DRG2: variants seen among roughly 807,000 people sequenced by gnomAD.
DRG2 encodes the protein developmentally regulated GTP binding protein 2, also known as developmentally-regulated GTP-binding protein 2.
In DRG2, 36 loss-of-function variants were observed where a neutral mutation model predicts 53.4. The observed-to-expected ratio is 0.67, with a 90% confidence interval of 0.52 to 0.89. The LOEUF (loss-of-function observed/expected upper bound fraction) is 0.89. Ranked by LOEUF, DRG2 falls within the 40% of genes least tolerant of loss-of-function variation. DRG2 has a pLI of 0.00. For synonymous variants in DRG2, 167 were observed against 192.1 expected (o/e 0.87, Z 1.08); for missense variants, 342 against 481.2 (o/e 0.71, Z 2.71).
intron 1 of DRG2, among the ~76,000 whole-genome samples, chr17:18,088,346 ACAGAGCAAGCATCTGACC>A (rs1350083551): frequency 2.6e-5 from 4 of 152,222 alleles, no homozygotes; most frequent in African/African-American, 9.6e-5. Flanking sequence ...GTCCCAGCTC[ACAGAGCAAGCATCTGACC>A]CAGAGAGAGG....
At chr17:18,088,684 T>C (rs149292647) in intron 1 of DRG2, among the ~76,000 whole-genome samples, 1 of 152,330 alleles carries the variant, frequency 6.6e-6, no homozygotes, top group African/African-American at 2.4e-5. Context: ...TTAGATGGCC[T>C]TTACAAAGCA....
At position 18,100,350 on chromosome 17, in the gene DRG2, G is replaced by A; in HGVS notation, c.468-13G>A. Reference sequence around the variant, plus strand: ...GGACAGCCTGTGAGGGGCTTAAGGGGTACTCTTCCTAGGTCTCTGCTGGAG... The same window carrying A: ...GGACAGCCTGTGAGGGGCTTAAGGGATACTCTTCCTAGGTCTCTGCTGGAG... On this transcript the variant is annotated splice_polypyrimidine_tract_variant and intron_variant, in intron 5 of 12. Coordinates refer to ENST00000225729, the MANE Select transcript of DRG2 (RefSeq NM_001388.5). The surrounding 1 kb of genome is among the most constrained non-coding windows in gnomAD (Gnocchi z 4.1). The A allele has an allele frequency of 6.2e-7, 1 of 1,614,090 alleles. No homozygotes were observed. The highest frequency in any genetic ancestry group is 8.5e-7 in the Non-Finnish European group (1 of 1,179,978).
At position 18,101,957 on chromosome 17, in the gene DRG2, G is replaced by A; in HGVS notation, c.766G>A (p.Val256Met). The change falls in exon 9 of 13, where the codon GTG becomes ATG. Residue 256 changes from valine to methionine, a missense_variant. Val to Met is a conservative substitution (Grantham distance 21). Coordinates refer to ENST00000225729, the MANE Select transcript of DRG2 (RefSeq NM_001388.5). ...AATCGACCAGATCTCCATGGAAGAG[G>A]TGGACCGCCTGGCCCGAAAACCCAA... is the stretch of plus-strand genomic sequence containing the variant. ...NKIDQISMEEVDRLARKPNSV... is the reference protein window; with the variant it reads ...NKIDQISMEEMDRLARKPNSV... 1.2e-6 allele frequency: 2 copies of A among 1,612,638 alleles called. No homozygotes were observed. The highest frequency in any genetic ancestry group is 1.1e-5 in the South Asian group (1 of 90,708).
At chr17:18,105,093 C>A (rs558302981) in intron 11 of DRG2, among the ~76,000 whole-genome samples, 1 of 152,248 alleles carries the variant, frequency 6.6e-6, no homozygotes, top group South Asian at 2.1e-4. Flanking sequence ...CAACCTGAGC[C>A]GGCTTATAGG....
intron 11 of DRG2, 110 bp from the exon 12 acceptor site, chr17:18,106,323 C>G: frequency 2.4e-6 from 3 of 1,246,576 alleles, no homozygotes; most frequent in Non-Finnish European, 3.5e-6. Context: ...GCACCTGCCG[C>G]GGGAACTCCT....
rs2045504211 is a variant in DRG2, at chr17:18,100,152, A to C, written c.468-211A>C. The stretch of plus-strand genomic sequence containing the variant: ...CCACTTGCCTGTGCATGCCGACCGT[A>C]AACCGGGCCAGTCCCCTCTGGGACT... On this transcript the variant is annotated intron_variant, in intron 5 of 12. Coordinates refer to ENST00000225729, the MANE Select transcript of DRG2 (RefSeq NM_001388.5). This position sits in a 1 kb window ranked among gnomAD's most constrained non-coding sequence, Gnocchi z 4.1. 1 of 615,428 alleles carries C rather than the reference A, an allele frequency of 1.6e-6. No individual in the cohort carries two copies. The highest frequency in any genetic ancestry group is 2.9e-6 in the Non-Finnish European group (1 of 349,644). 38.1% of individuals were successfully genotyped at this position (615,428 alleles called of 1,614,324 possible). A position where few individuals can be genotyped will look rare whatever the true frequency, so the allele number is the denominator to read the frequency against.
chr17:18,102,637 AAAAAG>A (rs1567605369), intron 9 of DRG2, among the ~76,000 whole-genome samples: 3 of 151,728 alleles, frequency 2.0e-5, no homozygotes, highest in African/African-American at 7.3e-5. Context: ...AAAAAAAAAA[AAAAAG>A]AGGCTTCTTA....
intron 1 of DRG2, among the ~76,000 whole-genome samples, chr17:18,089,672 AGAG>A (rs1050815789): frequency 6.6e-6 from 1 of 152,208 alleles, no homozygotes; most frequent in African/African-American, 2.4e-5. Context: ...GTGGAGTGAT[AGAG>A]AAGACCACCA....
At chr17:18,093,593 C>T (rs1006179646) in intron 1 of DRG2, among the ~76,000 whole-genome samples, 12 of 152,196 alleles carry the variant, frequency 7.9e-5, no homozygotes, top group African/African-American at 2.9e-4. Flanking sequence ...GCTGGGATTA[C>T]AGGCGTCAGC....
chr17:18,106,357 T>G (rs1310804525), intron 11 of DRG2, 76 bp from the exon 12 acceptor site: 7 of 1,557,962 alleles, frequency 4.5e-6, no homozygotes, highest in Non-Finnish European at 6.2e-6. Flanking sequence ...TGTCCTGAGC[T>G]TTGGGTGTGC....
At chr17:18,101,759 A>G (rs721669) in intron 8 of DRG2, among the ~76,000 whole-genome samples, 162 bp from the exon 9 acceptor site, 58,290 of 152,084 alleles carry the variant, frequency 0.38, 11,866 homozygotes, top group South Asian at 0.7. Flanking sequence ...GCTTGAAACC[A>G]GGGTTCCAGC....
intron 2 of DRG2, among the ~76,000 whole-genome samples, chr17:18,094,776 A>T (rs2045398228): frequency 2.0e-5 from 3 of 151,858 alleles, no homozygotes; most frequent in African/African-American, 7.3e-5. Context: ...GGAGTTCAAG[A>T]CCAGCCTGAC....
Position 18,099,823 on chromosome 17 carries a change from A to G in DRG2, c.467+100A>G. ...GCCTGTGGGTGTTTGGCTCTCTCAC[A>G]CGTGAGAGTAGTGGTAGGACTTGTC... On this transcript the variant is annotated intron_variant, in intron 5 of 12. Transcript: ENST00000225729. This position sits in a 1 kb window ranked among gnomAD's most constrained non-coding sequence, Gnocchi z 4.4. 12 of 1,175,316 alleles carry G rather than the reference A, an allele frequency of 1.0e-5. No homozygotes were observed. The highest frequency in any genetic ancestry group is 1.5e-5 in the African/African-American group (1 of 66,180). 72.8% of individuals were successfully genotyped at this position (1,175,316 alleles called of 1,614,324 possible). A position where few individuals can be genotyped will look rare whatever the true frequency, so the allele number is the denominator to read the frequency against.
At chr17:18,107,018 G>A in intron 12 of DRG2, 136 bp from the exon 13 acceptor site, 1 of 718,324 alleles carries the variant, frequency 1.4e-6, no homozygotes, top group South Asian at 1.7e-5. Flanking sequence ...TCAGACAACT[G>A]CGGACATCCT....
intron 11 of DRG2, among the ~76,000 whole-genome samples, chr17:18,104,934 A>T (rs571595046): frequency 6.6e-6 from 1 of 152,168 alleles, no homozygotes; most frequent in Non-Finnish European, 1.5e-5. Flanking sequence ...GACACGTTGA[A>T]TGAGGTCCAG....
rs778459510 is a variant in DRG2, at chr17:18,103,861, G to A, written c.867G>A (p.Leu289=). 6 of 1,608,626 alleles carry A rather than the reference G, an allele frequency of 3.7e-6. No individual in the cohort carries two copies. The highest frequency in any genetic ancestry group is 2.5e-6 in the Non-Finnish European group (3 of 1,177,552). Reference sequence around the variant, plus strand: ...AGATGCTTTGGGAGTACTTGGCCCTGACCTGCATCTACACCAAGAAGAGAG... The same window carrying A: ...AGATGCTTTGGGAGTACTTGGCCCTAACCTGCATCTACACCAAGAAGAGAG... ...LLEMLWEYLA[L]TCIYTKKRGQ... The change falls in exon 10 of 13, where the codon CTG becomes CTA. Residue 289 remains leucine (L), a synonymous_variant. Transcript: ENST00000225729. The surrounding 1 kb of genome is among the most constrained non-coding windows in gnomAD (Gnocchi z 4.4).
chr17:18,103,954 G>T lies in DRG2; in HGVS notation c.895+65G>T. 1 of 1,523,306 alleles carries T rather than the reference G, an allele frequency of 6.6e-7. No homozygotes were observed. The highest frequency in any genetic ancestry group is 1.7e-5 in the Admixed American group (1 of 59,732). The allele number at this position is 1,523,306 out of a possible 1,614,324, so 94.4% of individuals were successfully genotyped here. ...TCATCCCTAGAAGGCTGCCAGGCCGGTGTGTGGTGCCCAGAGACCCCAGCA... is the reference window on the plus strand; with the variant it reads ...TCATCCCTAGAAGGCTGCCAGGCCGTTGTGTGGTGCCCAGAGACCCCAGCA... On this transcript the variant is annotated intron_variant, in intron 10 of 12. Coordinates refer to ENST00000225729, the MANE Select transcript of DRG2 (RefSeq NM_001388.5). The surrounding 1 kb of genome is among the most constrained non-coding windows in gnomAD (Gnocchi z 4.4).
chr17:18,106,630 G>T, intron 12 of DRG2, 144 bp downstream of exon 12: 1 of 824,772 alleles, frequency 1.2e-6, no homozygotes, highest in Non-Finnish European at 1.9e-6. Context: ...GTCCTCCATA[G>T]AATGTACATG....
At position 18,098,116 on chromosome 17, in the gene DRG2, G is replaced by T; in HGVS notation, c.226-154G>T. ...GGACAGGGCCAGAGGTGAGCCCTCTGGCTGGGAGGTCTCTTCACAGCCACC... is the reference window on the plus strand; with the variant it reads ...GGACAGGGCCAGAGGTGAGCCCTCTTGCTGGGAGGTCTCTTCACAGCCACC... On this transcript the variant is annotated intron_variant, in intron 2 of 12. Transcript: ENST00000225729. This position sits in a 1 kb window ranked among gnomAD's most constrained non-coding sequence, Gnocchi z 4.1. The T allele has an allele frequency of 1.6e-6, 1 of 630,064 alleles. No homozygotes were observed. The highest frequency in any genetic ancestry group is 2.9e-6 in the Non-Finnish European group (1 of 345,350). 39.0% of individuals were successfully genotyped at this position (630,064 alleles called of 1,614,324 possible).
Sources: gnomAD v4.1 joint callset for allele counts (sites outside exome capture counted in the v4.1 genomes callset) on GRCh38, gnomAD v4.1.1 for gene constraint, Gnocchi (gnomAD v3.1) non-coding constraint, MANE v1.5 for transcripts, NCBI Gene and HGNC (gene_info 2026-07-23, HGNC 2026-07-21) for gene names.